Variants in PIK3C3 observed in about 807,000 individuals in gnomAD.
PIK3C3 encodes the protein phosphatidylinositol 3-kinase catalytic subunit type 3.
PIK3C3 carries 95 observed loss-of-function variants against 126.1 expected under a neutral mutation model. The ratio of observed to expected loss-of-function variants is 0.75; its 90% CI spans 0.64 to 0.89. The LOEUF (loss-of-function observed/expected upper bound fraction) is 0.89. PIK3C3 is among the 40% of genes least tolerant of loss of function. The pLI, the probability that PIK3C3 is intolerant of heterozygous loss-of-function variation, is 0.00. For synonymous variants in PIK3C3, 374 were observed against 360.0 expected (o/e 1.04, Z -0.44); for missense variants, 829 against 1,063.2 (o/e 0.78, Z 3.06).
At chr18:41,976,298 A>G (rs1039286322) in intron 4 of PIK3C3, among the ~76,000 whole-genome samples, 12 of 152,030 alleles carry the variant, frequency 7.9e-5, no homozygotes, top group African/African-American at 2.2e-4. Context: ...TTTTAGTTTT[A>G]TGTACATGTA....
chr18:42,050,855 C>G (rs1984772940), intron 21 of PIK3C3: 1 of 152,206 alleles, frequency 6.6e-6, no homozygotes, highest in Non-Finnish European at 1.5e-5. Context: ...TTGTTGTTTT[C>G]TCTTTCTGGA....
intron 18 of PIK3C3, 121 bp from the exon 19 acceptor site, chr18:42,040,556 T>C: frequency 1.5e-6 from 1 of 679,152 alleles, no homozygotes; most frequent in Non-Finnish European, 2.5e-6. Context: ...ACACTGATCT[T>C]TTTAAGTTGT....
intron 14 of PIK3C3, among the ~76,000 whole-genome samples, chr18:42,028,046 T>C (rs1983653494): frequency 6.6e-6 from 1 of 152,210 alleles, no homozygotes. Context: ...TTCATAAATT[T>C]ATTGGAATAG....
chr18:41,996,960 A>G (rs1297957420), intron 9 of PIK3C3, among the ~76,000 whole-genome samples: 3 of 152,196 alleles, frequency 2.0e-5, no homozygotes, highest in Middle Eastern at 3.4e-3. Context: ...GAAGTCAGAG[A>G]GACTTGGGTT....
At chr18:41,975,888 A>C (rs1980897400) in intron 4 of PIK3C3, among the ~76,000 whole-genome samples, 3 of 151,882 alleles carry the variant, frequency 2.0e-5, no homozygotes, top group Non-Finnish European at 4.4e-5. Flanking sequence ...TTTTAGTAGA[A>C]ATGGGGCTTC....
chr18:41,982,017 A>G (rs1262722355), intron 4 of PIK3C3, among the ~76,000 whole-genome samples: 1 of 151,862 alleles, frequency 6.6e-6, no homozygotes, highest in African/African-American at 2.4e-5. Flanking sequence ...TTTATATTTG[A>G]TTTGAGACGC....
At chr18:41,969,435 C>T (rs928573913) in intron 3 of PIK3C3, among the ~76,000 whole-genome samples, 10 of 152,254 alleles carry the variant, frequency 6.6e-5, no homozygotes, top group African/African-American at 2.4e-4. Flanking sequence ...TTATCTAAAG[C>T]TCTTTATGAG....
chr18:42,020,345 A>C (rs1222558914), intron 12 of PIK3C3, among the ~76,000 whole-genome samples: 1 of 152,078 alleles, frequency 6.6e-6, no homozygotes, highest in African/African-American at 2.4e-5. Context: ...TGCCTTTTCT[A>C]ATCTCCCAAC....
chr18:41,973,930 T>A (rs942269362), intron 4 of PIK3C3, among the ~76,000 whole-genome samples: 4 of 152,208 alleles, frequency 2.6e-5, no homozygotes, highest in Non-Finnish European at 4.4e-5. Context: ...CCAGTGAATT[T>A]ACTATGATTG....
intron 15 of PIK3C3, 115 bp from the exon 16 acceptor site, chr18:42,033,711 T>G: frequency 3.0e-6 from 2 of 670,920 alleles, no homozygotes; most frequent in East Asian, 6.4e-5. Context: ...TTTATATTAT[T>G]TTGGTGCTTT....
At chr18:41,993,550 T>C (rs1050809234) in intron 7 of PIK3C3, among the ~76,000 whole-genome samples, 4 of 151,916 alleles carry the variant, frequency 2.6e-5, no homozygotes, top group African/African-American at 9.7e-5. Context: ...AAGGGTAGAG[T>C]AGGGTTGGGC....
At chr18:42,059,141 C>T (rs914861431) in intron 22 of PIK3C3, among the ~76,000 whole-genome samples, 1 of 152,138 alleles carries the variant, frequency 6.6e-6, no homozygotes, top group East Asian at 1.9e-4. Context: ...TGTGTTGGTC[C>T]TAGGAGACTG....
Position 42,067,442 on chromosome 18 carries a change from CAG to C in PIK3C3, c.2581_2582del (p.Leu862AspfsTer2). On this transcript the variant is annotated frameshift_variant, in exon 24 of 25. Transcript: ENST00000262039. LOFTEE classifies it high-confidence loss of function. Reference sequence around the variant, plus strand: ...GGATGAAGAGGCTGTGCATTACATGCAGAGTCTGATTGATGAGAGTGTCCATG... The same window carrying C: ...GGATGAAGAGGCTGTGCATTACATGCAGTCTGATTGATGAGAGTGTCCATG... ...LSDEEAVHYM[Q>X]SLIDESVHAL... The C allele has an allele frequency of 6.2e-7, 1 of 1,613,766 alleles. No homozygotes were observed. Among genetic ancestry groups the C allele is most frequent in the Non-Finnish European group, 8.5e-7 (1 of 1,179,646 alleles).
chr18:42,072,803 G>A (rs1478688269), intron 24 of PIK3C3, among the ~76,000 whole-genome samples: 1 of 152,140 alleles, frequency 6.6e-6, no homozygotes. Context: ...TTTGAGTGCT[G>A]GGATTACAAG....
chr18:41,968,395 T>C (rs1157215510), intron 3 of PIK3C3, among the ~76,000 whole-genome samples: 1 of 152,216 alleles, frequency 6.6e-6, no homozygotes, highest in South Asian at 2.1e-4. Flanking sequence ...AAAATTAACT[T>C]TATAAGAGAC....
At chr18:42,078,155 A>G (rs1051681447) in intron 24 of PIK3C3, among the ~76,000 whole-genome samples, 1 of 151,868 alleles carries the variant, frequency 6.6e-6, no homozygotes, top group Non-Finnish European at 1.5e-5. Flanking sequence ...AGGCGGGTGG[A>G]TCATGAGGTC....
At chr18:42,004,216 A>G in intron 9 of PIK3C3, 140 bp from the exon 10 acceptor site, 1 of 619,258 alleles carries the variant, frequency 1.6e-6, no homozygotes, top group Non-Finnish European at 2.8e-6. Context: ...TCATATATAT[A>G]ACTTCATTTA....
At chr18:42,031,355 T>C (rs1049502971) in intron 15 of PIK3C3, among the ~76,000 whole-genome samples, 13 of 152,166 alleles carry the variant, frequency 8.5e-5, no homozygotes, top group Admixed American at 8.5e-4. Flanking sequence ...TGATCTCTAG[T>C]TTAGGAAAAA....
intron 7 of PIK3C3, 123 bp downstream of exon 7, chr18:41,993,464 C>T: frequency 1.6e-6 from 1 of 625,532 alleles, no homozygotes; most frequent in South Asian, 2.0e-5. Context: ...AAAAGTGATT[C>T]ATAAATTCAC....
Sources: allele counts gnomAD v4.1 joint callset (sites outside exome capture counted in the v4.1 genomes callset), GRCh38; gene constraint gnomAD v4.1.1; transcripts MANE v1.5; gene names NCBI Gene and HGNC (gene_info 2026-07-23, HGNC 2026-07-21).